ESYT2: variants seen among roughly 807,000 people sequenced by gnomAD.
ESYT2 encodes the protein extended synaptotagmin-2.
ESYT2 carries 54 observed loss-of-function variants against 107.2 expected under a neutral mutation model. The observed-to-expected ratio is 0.50, with a 90% CI of 0.40 to 0.63. The LOEUF (loss-of-function observed/expected upper bound fraction) is 0.63, where lower values mean the gene tolerates loss of function less well. ESYT2 is among the 30% of genes least tolerant of loss of function. ESYT2 has a pLI of 0.00. For synonymous variants in ESYT2, 491 were observed against 434.1 expected (o/e 1.13, Z -1.63); for missense variants, 1,020 against 1,094.5 (o/e 0.93, Z 0.96).
intron 15 of ESYT2, among the ~76,000 whole-genome samples, chr7:158,749,035 CTT>C (rs1837499935): frequency 6.6e-6 from 1 of 152,116 alleles, no homozygotes; most frequent in African/African-American, 2.4e-5. Context: ...TCAAGACAAA[CTT>C]AGGAATTGTT....
At chr7:158,799,502 G>T (rs2129473576) in intron 1 of ESYT2, among the ~76,000 whole-genome samples, 1 of 152,272 alleles carries the variant, frequency 6.6e-6, no homozygotes, top group East Asian at 1.9e-4. Flanking sequence ...GCCCAAACCT[G>T]CAAGTCCCAG....
chr7:158,765,432 T>C (rs1838124483), intron 8 of ESYT2, among the ~76,000 whole-genome samples: 1 of 152,356 alleles, frequency 6.6e-6, no homozygotes, highest in East Asian at 1.9e-4. Context: ...GTATTATTCA[T>C]AGACTTTAAA....
At chr7:158,812,654 C>T (rs1840022140) in intron 1 of ESYT2, among the ~76,000 whole-genome samples, 2 of 152,148 alleles carry the variant, frequency 1.3e-5, no homozygotes, top group African/African-American at 4.8e-5. Context: ...GAATGTTCAT[C>T]GCAGCACCAT....
intron 6 of ESYT2, among the ~76,000 whole-genome samples, chr7:158,776,739 C>T (rs1838579211): frequency 6.6e-6 from 1 of 152,186 alleles, no homozygotes; most frequent in Non-Finnish European, 1.5e-5. Context: ...TTTTATTTTC[C>T]TTCGAACATT....
At chr7:158,802,462 G>A (rs1245926810) in intron 1 of ESYT2, among the ~76,000 whole-genome samples, 1 of 152,166 alleles carries the variant, frequency 6.6e-6, no homozygotes, top group Non-Finnish European at 1.5e-5. Context: ...TGTAGTTTTA[G>A]TAGAGACAGG....
intron 6 of ESYT2, among the ~76,000 whole-genome samples, chr7:158,776,387 G>T (rs1365753226): frequency 6.6e-6 from 1 of 152,232 alleles, no homozygotes; most frequent in Non-Finnish European, 1.5e-5. Context: ...GCAGAAGGAT[G>T]TTTAATATAC....
intron 6 of ESYT2, among the ~76,000 whole-genome samples, chr7:158,774,499 C>A (rs1484472101): frequency 6.6e-6 from 1 of 151,992 alleles, no homozygotes; most frequent in Non-Finnish European, 1.5e-5. Context: ...ACCCACCTGG[C>A]TAAACCTCTA....
rs374932594 is a variant in ESYT2 at position 158,761,480 on chromosome 7, C to A, written c.1233+16G>T. 5.6e-6 allele frequency: 9 copies of A among 1,613,780 alleles called. No homozygotes were observed. The African/African-American group carries it at 8.0e-5, about 14-fold the overall frequency. Reference sequence around the variant, plus strand: ...GTCAACAATTGTAAACAGACCCACACTCCAGGGAAACTTACTTCATCTAAA... The same window carrying A: ...GTCAACAATTGTAAACAGACCCACAATCCAGGGAAACTTACTTCATCTAAA... On this transcript the variant is annotated intron_variant, in intron 11 of 22. Coordinates refer to ENST00000275418, the MANE Select transcript of ESYT2 (RefSeq NM_001367773.1).
intron 9 of ESYT2, among the ~76,000 whole-genome samples, chr7:158,763,696 G>A (rs1409950733): frequency 4.6e-5 from 7 of 152,066 alleles, no homozygotes; most frequent in Non-Finnish European, 8.8e-5. Flanking sequence ...ACAGTCTACC[G>A]TGCTTGTTTC....
intron 11 of ESYT2, among the ~76,000 whole-genome samples, chr7:158,760,569 C>T (rs974708421): frequency 3.3e-5 from 5 of 152,196 alleles, no homozygotes; most frequent in Admixed American, 6.5e-5. Flanking sequence ...GATCCTCCTG[C>T]CTCAGCCTCC....
In ESYT2 at chr7:158,821,900, T is replaced by G. The variant is rs535317855; in HGVS notation, c.330+7189A>C. On this transcript the variant is annotated intron_variant, in intron 1 of 22. Transcript: ENST00000275418. ...TAAGAGTAGAATCTCTTCCCTAGCA[T>G]GTCCGTAAATTTATAACACGCCCCC... Among the ~76,000 whole-genome samples, 11 of 152,200 alleles carry G rather than the reference T, an allele frequency of 7.2e-5. 1 individual carries two copies. Among genetic ancestry groups the G allele is most frequent in the Admixed American group, 5.9e-4 (9 of 15,284 alleles).
At chr7:158,764,021 G>A (rs544712293) in intron 9 of ESYT2, among the ~76,000 whole-genome samples, 20 of 152,122 alleles carry the variant, frequency 1.3e-4, no homozygotes, top group Non-Finnish European at 2.6e-4. Context: ...TTAAAAACTG[G>A]TGGAGTATAA....
At chr7:158,791,268 G>A (rs992256653) in intron 4 of ESYT2, among the ~76,000 whole-genome samples, 2 of 152,202 alleles carry the variant, frequency 1.3e-5, no homozygotes, top group African/African-American at 4.8e-5. Flanking sequence ...TGGCGGCCTG[G>A]AGCAGGAGTC....
At chr7:158,798,331 G>T (rs1037284704) in intron 2 of ESYT2, among the ~76,000 whole-genome samples, 2 of 152,168 alleles carry the variant, frequency 1.3e-5, no homozygotes, top group African/African-American at 4.8e-5. Flanking sequence ...ATTTCTAGAA[G>T]TCCTGTGGTT....
intron 7 of ESYT2, among the ~76,000 whole-genome samples, chr7:158,768,056 C>A (rs1367457386): frequency 6.6e-6 from 1 of 152,156 alleles, no homozygotes; most frequent in Non-Finnish European, 1.5e-5. Flanking sequence ...GCAAAAACTG[C>A]AAATACTTTT....
intron 14 of ESYT2, 78 bp from the exon 15 acceptor site, chr7:158,749,801 G>A: frequency 7.8e-7 from 1 of 1,279,316 alleles, no homozygotes; most frequent in South Asian, 1.3e-5. Flanking sequence ...GAAATTACTG[G>A]CTTATATTAG....
At chr7:158,744,731 A>G (rs1438237083) in intron 16 of ESYT2, among the ~76,000 whole-genome samples, 2 of 152,170 alleles carry the variant, frequency 1.3e-5, no homozygotes, top group Admixed American at 1.3e-4. Flanking sequence ...AGATGGCTGT[A>G]ATATAAAATA....
chr7:158,791,574 C>T (rs781008369), intron 4 of ESYT2, among the ~76,000 whole-genome samples: 8 of 152,240 alleles, frequency 5.3e-5, no homozygotes, highest in South Asian at 2.1e-4. Context: ...ATCTCACCAA[C>T]ACCTGTTATT....
At chr7:158,821,208 A>G (rs1415900783) in intron 1 of ESYT2, among the ~76,000 whole-genome samples, 1 of 152,246 alleles carries the variant, frequency 6.6e-6, no homozygotes, top group Non-Finnish European at 1.5e-5. Flanking sequence ...GATCCCATGC[A>G]AAAGACAACT....
Sources: gnomAD v4.1 joint callset for allele counts (sites outside exome capture counted in the v4.1 genomes callset) on GRCh38, gnomAD v4.1.1 for gene constraint, MANE v1.5 for transcripts, NCBI Gene and HGNC (gene_info 2026-07-23, HGNC 2026-07-21) for gene names.